ARFGEF2: variants seen among roughly 807,000 people sequenced by gnomAD.
ARFGEF2 encodes ARF guanine nucleotide exchange factor 2, also known as brefeldin A-inhibited guanine nucleotide-exchange protein 2.
In ARFGEF2, 74 loss-of-function variants were observed where a neutral mutation model predicts 219.9. That is an observed-to-expected ratio of 0.34 (90% CI 0.28 to 0.41). The LOEUF is 0.41. ARFGEF2 is among the 10% of genes least tolerant of loss of function. The pLI is 1.00. For missense variants in ARFGEF2, 1,743 were observed against 2,218.3 expected, an observed-to-expected ratio of 0.79 and a Z score of 4.30; for synonymous variants, 733 against 799.2, an observed-to-expected ratio of 0.92 and a Z score of 1.40.
At chr20:48,980,231 C>T (rs1277555750) in intron 14 of ARFGEF2, among the ~76,000 whole-genome samples, 1 of 152,114 alleles carries the variant, frequency 6.6e-6, no homozygotes. Flanking sequence ...GCCTTAATTT[C>T]GTTATGTACC....
In ARFGEF2 at chr20:49,013,863, G is replaced by A. The variant is rs759867790; in HGVS notation, c.4082G>A (p.Ser1361Asn). ...ACAGTCATGTTTGAGATCATGAAGA[G>A]CTATGGCCACACCTTTGAAAAGCAC... The part of the protein sequence containing the change: ...GLTVMFEIMK[S>N]YGHTFEKHWW... Residue 1361 changes from serine to asparagine, a missense_variant, in exon 30 of 39, where the codon AGC becomes AAC. Ser to Asn is a conservative substitution (Grantham distance 46). This residue lies in a region of ARFGEF2 where 578 missense variants were observed against 664.0 expected (regional missense o/e 0.87). Coordinates refer to ENST00000371917, the MANE Select transcript of ARFGEF2 (RefSeq NM_006420.3). The A allele has an allele frequency of 2.5e-6, 4 of 1,614,112 alleles. No homozygotes were observed. The highest frequency in any genetic ancestry group is 3.4e-6 in the Non-Finnish European group (4 of 1,180,002).
Position 49,025,475 on chromosome 20 carries a change from C to T in ARFGEF2, c.4918C>T (p.Arg1640Ter), listed in dbSNP as rs772953658. Reference sequence around the variant, plus strand: ...TTACGAGCAGCGGACTGTCCTGTGGCGAGCAGGTAAGGCCACACAGCAGAT... The same window carrying T: ...TTACGAGCAGCGGACTGTCCTGTGGTGAGCAGGTAAGGCCACACAGCAGAT... ...SNYEQRTVLW[R>*]AGFKGKSKPN... The change falls in exon 36 of 39, where the codon CGA becomes TGA. Residue 1640 changes from arginine to a stop codon, truncating the protein, a stop_gained. Transcript: ENST00000371917. LOFTEE classifies it high-confidence loss of function. 6.2e-7 allele frequency: 1 copy of T among 1,613,808 alleles called. No individual in the cohort carries two copies. Among genetic ancestry groups the T allele is most frequent in the Non-Finnish European group, 8.5e-7 (1 of 1,179,958 alleles).
At chr20:49,010,150 T>C (rs753654025) in intron 26 of ARFGEF2, 82 bp from the exon 27 acceptor site, 206 of 1,515,966 alleles carry the variant, frequency 1.4e-4, no homozygotes, top group Non-Finnish European at 1.7e-4. Context: ...GTTTAAGTGC[T>C]GCTTCTAAGG....
At chr20:48,958,028 A>G (rs186342418) in intron 6 of ARFGEF2, among the ~76,000 whole-genome samples, 3 of 152,330 alleles carry the variant, frequency 2.0e-5, no homozygotes, top group Admixed American at 2.0e-4. Flanking sequence ...AATGAAAGAT[A>G]GTGAAGGTTT....
chr20:49,019,676 G>A (rs890320253), intron 34 of ARFGEF2, among the ~76,000 whole-genome samples: 2 of 152,074 alleles, frequency 1.3e-5, no homozygotes, highest in Non-Finnish European at 1.5e-5. Context: ...AGCTGTTTAC[G>A]TGATCTTTTT....
At chr20:48,956,759 T>C (rs1433552156) in intron 6 of ARFGEF2, among the ~76,000 whole-genome samples, 1 of 152,160 alleles carries the variant, frequency 6.6e-6, no homozygotes, top group African/African-American at 2.4e-5. Flanking sequence ...TTGTATTTTT[T>C]AGTAGAAACG....
intron 4 of ARFGEF2, 79 bp from the exon 5 acceptor site, chr20:48,952,626 C>T: frequency 7.1e-7 from 1 of 1,411,996 alleles, no homozygotes; most frequent in Non-Finnish European, 1.0e-6. Flanking sequence ...AAACCAGACC[C>T]TCTAGAAAAG....
intron 14 of ARFGEF2, among the ~76,000 whole-genome samples, chr20:48,978,211 C>G (rs1447866674): frequency 3.3e-5 from 5 of 152,116 alleles, no homozygotes; most frequent in Non-Finnish European, 5.9e-5. Flanking sequence ...GCCAGTTTTC[C>G]CAGCACCATT....
At chr20:48,982,668 A>G (rs4810903) in intron 14 of ARFGEF2, among the ~76,000 whole-genome samples, 92,525 of 151,984 alleles carry the variant, frequency 0.61, 28,275 homozygotes, top group East Asian at 0.66. Context: ...GAGCTTCACC[A>G]GCACTTTGTT....
At chr20:48,946,811 T>A (rs1368224443) in intron 3 of ARFGEF2, among the ~76,000 whole-genome samples, 1 of 151,388 alleles carries the variant, frequency 6.6e-6, no homozygotes, top group Non-Finnish European at 1.5e-5. Context: ...GTTTTTTTGG[T>A]TTTTTTTAGA....
Position 48,996,920 on chromosome 20 carries a change from GTTTTC to G in ARFGEF2, c.3221+1047_3221+1051del, listed in dbSNP as rs200937161. Among the ~76,000 whole-genome samples the G allele has an allele frequency of 4.2e-4, 64 of 151,472 alleles. No individual in the cohort carries two copies. The East Asian group carries it at 0.011, about 27-fold the overall frequency. On this transcript the variant is annotated intron_variant, in intron 23 of 38. Coordinates refer to ENST00000371917, the MANE Select transcript of ARFGEF2 (RefSeq NM_006420.3). ...TCGTACTTATTAGCAATCACTCTCCGTTTTCTTTTCTTTCCTTCCCCCATTCCTTA... is the reference window on the plus strand; with the variant it reads ...TCGTACTTATTAGCAATCACTCTCCGTTTTCTTTCCTTCCCCCATTCCTTA...
intron 15 of ARFGEF2, among the ~76,000 whole-genome samples, 172 bp from the exon 16 acceptor site, chr20:48,985,236 C>T (rs565091688): frequency 2.9e-5 from 1 of 34,928 alleles, no homozygotes; most frequent in African/African-American, 1.3e-4. Flanking sequence ...CAGGCTGCTT[C>T]TGGAATGGGT....
chr20:48,927,339 C>A (rs899237010), intron 1 of ARFGEF2, among the ~76,000 whole-genome samples: 1 of 152,014 alleles, frequency 6.6e-6, no homozygotes, highest in East Asian at 1.9e-4. Flanking sequence ...TCAGAAAAAC[C>A]ATTCTCATCA....
At chr20:49,001,932 C>G (rs60071644) in intron 25 of ARFGEF2, among the ~76,000 whole-genome samples, 9,835 of 152,214 alleles carry the variant, frequency 0.065, 1,014 homozygotes, top group African/African-American at 0.22. Context: ...GATTTGTTCT[C>G]TTTTAAGAAA....
chr20:49,006,008 G>T (rs918722229), intron 26 of ARFGEF2, among the ~76,000 whole-genome samples: 5 of 151,810 alleles, frequency 3.3e-5, no homozygotes, highest in Non-Finnish European at 1.5e-5. Flanking sequence ...TTAAAATCCT[G>T]TGTTTGGCCG....
At chr20:48,969,405 C>A in intron 9 of ARFGEF2, 128 bp downstream of exon 9, 2 of 1,560,016 alleles carry the variant, frequency 1.3e-6, no homozygotes, top group Non-Finnish European at 1.8e-6. Context: ...AGTGCAGGAA[C>A]GGTTTTACAA....
Position 49,017,376 on chromosome 20 carries a change from C to A in ARFGEF2, c.4443C>A (p.Thr1481=). 2 of 1,614,020 alleles carry A rather than the reference C, an allele frequency of 1.2e-6. No individual in the cohort carries two copies. The highest frequency in any genetic ancestry group is 1.7e-6 in the Non-Finnish European group (2 of 1,180,004). The change falls in exon 32 of 39, where the codon ACC becomes ACA. Residue 1481 remains threonine (T), a synonymous_variant. Transcript: ENST00000371917. ...GTATGTTGGATATTTTCAAAACAAC[C>A]ATCCCACATGTGTAAGTGTTCATGC... The part of the protein sequence containing the change: ...CNCMLDIFKT[T]IPHVLLTWRP...
At chr20:48,996,016 C>T in intron 23 of ARFGEF2, 134 bp downstream of exon 23, 1 of 766,254 alleles carries the variant, frequency 1.3e-6, no homozygotes, top group Non-Finnish European at 2.3e-6. Context: ...TTAAGTGTCA[C>T]ATTTATTTGC....
At chr20:48,961,111 ATTTTC>A (rs1293631715) in intron 6 of ARFGEF2, among the ~76,000 whole-genome samples, 6 of 148,520 alleles carry the variant, frequency 4.0e-5, no homozygotes, top group Middle Eastern at 3.5e-3. Flanking sequence ...AATAATAATA[ATTTTC>A]TTTATTCAAT....
Sources: allele counts gnomAD v4.1 joint callset (sites outside exome capture counted in the v4.1 genomes callset), GRCh38; gene constraint gnomAD v4.1.1; regional missense constraint gnomAD v4.1.1; transcripts MANE v1.5; gene names NCBI Gene and HGNC (gene_info 2026-07-23, HGNC 2026-07-21).